Variants in TEAD1 observed in about 807,000 individuals in gnomAD.
TEAD1 encodes the protein TEA domain transcription factor 1.
Under a neutral mutation model 54.9 loss-of-function variants are expected in TEAD1, and 9 were observed. That is an observed-to-expected ratio of 0.16 (90% CI 0.10 to 0.29). TEAD1 has a LOEUF of 0.29. Ranked by LOEUF, TEAD1 falls within the 10% of genes least tolerant of loss-of-function variation. The probability of loss-of-function intolerance (pLI) is 1.00; values close to 1 mark genes in which losing one functional copy is unlikely to be tolerated. For missense variants in TEAD1, 387 were observed against 535.9 expected (o/e 0.72, Z 2.74); for synonymous variants, 200 against 187.8 (o/e 1.07, Z -0.53).
At chr11:12,757,150 G>T (rs1430898479) in intron 2 of TEAD1, among the ~76,000 whole-genome samples, 1 of 152,146 alleles carries the variant, frequency 6.6e-6, no homozygotes, top group Non-Finnish European at 1.5e-5. Flanking sequence ...TGGGCTATTA[G>T]AAATCTTTTC....
intron 5 of TEAD1, chr11:12,879,364 T>TTA: frequency 1.8e-6 from 1 of 562,310 alleles, no homozygotes; most frequent in Non-Finnish European, 3.2e-6. Flanking sequence ...TTTATTTTTT[T>TTA]TTCTTCCTTA....
rs780301228 is a variant in TEAD1, at chr11:12,902,015, A to G, written c.775A>G (p.Ile259Val). Residue 259 changes from isoleucine (I) to valine (V), a missense_variant, in exon 10 of 13, where the codon ATT becomes GTT. By Grantham distance (29) the Ile-to-Val change is conservative. Transcript: ENST00000527636. ...TGACCCATTGCTTGAATCAGTGGACATTCGTCAGATTTATGACAAATTTCC... is the reference window on the plus strand; with the variant it reads ...TGACCCATTGCTTGAATCAGTGGACGTTCGTCAGATTTATGACAAATTTCC... 6.2e-7 allele frequency: 1 copy of G among 1,614,244 alleles called. No individual in the cohort carries two copies. Among genetic ancestry groups the G allele is most frequent in the South Asian group, 1.1e-5 (1 of 91,088 alleles).
intron 2 of TEAD1, among the ~76,000 whole-genome samples, chr11:12,720,103 A>T (rs1225144881): frequency 4.0e-5 from 6 of 151,040 alleles, no homozygotes; most frequent in African/African-American, 1.5e-4. Flanking sequence ...CTCTCATTAT[A>T]TAATGTTGCT....
intron 10 of TEAD1, among the ~76,000 whole-genome samples, chr11:12,908,883 G>GTTTTTTTTTTTTTTTTTTTTTTTTTTT (rs60042137): frequency 2.0e-5 from 2 of 99,660 alleles, no homozygotes; most frequent in African/African-American, 6.4e-5. Context: ...CAAATTATCT[G>GTTTTTTTTTTTTTTTTTTTTTTTTTTT]TTTTTTTTTT....
At chr11:12,733,157 T>A (rs1475761226) in intron 2 of TEAD1, among the ~76,000 whole-genome samples, 1 of 152,132 alleles carries the variant, frequency 6.6e-6, no homozygotes, top group African/African-American at 2.4e-5. Flanking sequence ...CCACTTACCT[T>A]TTTGGGTTGT....
chr11:12,876,500 G>GAGGAT (rs1440463798), intron 5 of TEAD1, among the ~76,000 whole-genome samples: 1 of 152,168 alleles, frequency 6.6e-6, no homozygotes, highest in African/African-American at 2.4e-5. Context: ...GGGTCTGTGA[G>GAGGAT]AGGATCCACG....
intron 10 of TEAD1, among the ~76,000 whole-genome samples, chr11:12,916,555 AT>A (rs1192995646): frequency 6.6e-6 from 1 of 152,206 alleles, no homozygotes; most frequent in Admixed American, 6.5e-5. Context: ...TTACAGGTGA[AT>A]TTTATATGCA....
intron 9 of TEAD1, among the ~76,000 whole-genome samples, chr11:12,895,627 A>G (rs1948300423): frequency 1.3e-5 from 2 of 152,226 alleles, no homozygotes; most frequent in South Asian, 4.1e-4. Flanking sequence ...GAAAAACTCC[A>G]TAATCTTTCA....
In TEAD1 at chr11:12,684,498, C is replaced by T. The variant is rs191498250; in HGVS notation, c.-55+8937C>T. Among the ~76,000 whole-genome samples, 696 of 152,168 alleles carry T rather than the reference C, an allele frequency of 4.6e-3. 2 individuals carry two copies. Among genetic ancestry groups the T allele is most frequent in the Middle Eastern group, 0.017 (5 of 294 alleles). ...CTTCTTGTAAAACCATTGCATAATC[C>T]CCCCTGGGGTGCAGAGGGCATTCAG... On this transcript the variant is annotated intron_variant, in intron 2 of 12. Coordinates refer to ENST00000527636, the MANE Select transcript of TEAD1 (RefSeq NM_021961.6).
At chr11:12,857,126 A>G (rs1314001320) in intron 3 of TEAD1, among the ~76,000 whole-genome samples, 3 of 152,208 alleles carry the variant, frequency 2.0e-5, no homozygotes, top group Non-Finnish European at 4.4e-5. Context: ...CTTTAGCAGG[A>G]AATTCCATGG....
intron 10 of TEAD1, among the ~76,000 whole-genome samples, chr11:12,914,618 C>T (rs1179059541): frequency 1.3e-5 from 2 of 152,254 alleles, no homozygotes; most frequent in Non-Finnish European, 2.9e-5. Context: ...CTTCAAGGGT[C>T]TTAGCCAGAA....
chr11:12,690,719 T>C (rs953672497), intron 2 of TEAD1, among the ~76,000 whole-genome samples: 1 of 152,228 alleles, frequency 6.6e-6, no homozygotes, highest in Non-Finnish European at 1.5e-5. Flanking sequence ...GTATCTATTA[T>C]TTCATGTAGT....
intron 2 of TEAD1, among the ~76,000 whole-genome samples, chr11:12,758,649 C>G (rs1006500609): frequency 6.6e-6 from 1 of 151,968 alleles, no homozygotes; most frequent in African/African-American, 2.4e-5. Context: ...CTCCTGACCT[C>G]GTGATCTGCC....
At chr11:12,925,164 T>G (rs1032107455) in intron 11 of TEAD1, 112 bp downstream of exon 11, 2 of 1,240,466 alleles carry the variant, frequency 1.6e-6, no homozygotes, top group Non-Finnish European at 2.3e-6. Context: ...TCTTACCTTC[T>G]GTATTAGTCC....
intron 3 of TEAD1, among the ~76,000 whole-genome samples, chr11:12,803,715 T>A (rs1487328479): frequency 6.6e-6 from 1 of 152,188 alleles, no homozygotes; most frequent in Admixed American, 6.5e-5. Flanking sequence ...CCTACCACAT[T>A]TCAGTTGCTG....
chr11:12,688,496 T>G (rs1943381892), intron 2 of TEAD1, among the ~76,000 whole-genome samples: 1 of 152,220 alleles, frequency 6.6e-6, no homozygotes, highest in Admixed American at 6.5e-5. Flanking sequence ...CCCAACTTGC[T>G]TGTACCTTCT....
At chr11:12,691,242 A>C (rs562050316) in intron 2 of TEAD1, among the ~76,000 whole-genome samples, 2 of 152,112 alleles carry the variant, frequency 1.3e-5, no homozygotes, top group Non-Finnish European at 2.9e-5. Flanking sequence ...ATCTTTGGCC[A>C]GTGGGAATTT....
chr11:12,876,936 G>T (rs1463542147), intron 5 of TEAD1, among the ~76,000 whole-genome samples: 1 of 152,176 alleles, frequency 6.6e-6, no homozygotes, highest in East Asian at 1.9e-4. Context: ...ACAGTAGATT[G>T]CCTGGCACTG....
At chr11:12,816,387 C>T (rs1946415235) in intron 3 of TEAD1, among the ~76,000 whole-genome samples, 1 of 152,212 alleles carries the variant, frequency 6.6e-6, no homozygotes, top group Non-Finnish European at 1.5e-5. Flanking sequence ...AGTTGTTGGT[C>T]ATTTGCCCCA....
Sources: gnomAD v4.1 joint callset for allele counts (sites outside exome capture counted in the v4.1 genomes callset) on GRCh38, gnomAD v4.1.1 for gene constraint, MANE v1.5 for transcripts, NCBI Gene and HGNC (gene_info 2026-07-23, HGNC 2026-07-21) for gene names.